The following MINDY2 variants were observed in gnomAD, a reference collection of about 807,000 sequenced individuals.
MINDY2 encodes ubiquitin carboxyl-terminal hydrolase MINDY-2.
Under a neutral mutation model 68.2 loss-of-function variants are expected in MINDY2, and 52 were observed. The ratio of observed to expected loss-of-function variants is 0.76; its 90% CI spans 0.61 to 0.96. MINDY2 has a LOEUF of 0.96. Among genes scored for constraint, MINDY2 ranks in the 40% least tolerant of loss-of-function variants. MINDY2 has a pLI of 0.00. For synonymous variants in MINDY2, 372 were observed against 303.0 expected, an observed-to-expected ratio of 1.23 and a Z score of -2.36; for missense variants, 881 against 773.4, an observed-to-expected ratio of 1.14 and a Z score of -1.65.
At chr15:58,838,182 A>G (rs1160938112) in intron 6 of MINDY2, among the ~76,000 whole-genome samples, 3 of 151,348 alleles carry the variant, frequency 2.0e-5, no homozygotes, top group Non-Finnish European at 4.4e-5. Flanking sequence ...TGGATCACTT[A>G]AGGTCAGGAG....
chr15:58,780,779 G>T (rs1901084082), intron 1 of MINDY2, among the ~76,000 whole-genome samples: 1 of 152,066 alleles, frequency 6.6e-6, no homozygotes, highest in African/African-American at 2.4e-5. Context: ...CTTTCCCATT[G>T]TAGTTTATTA....
At chr15:58,827,392 C>T (rs1434742666) in intron 5 of MINDY2, among the ~76,000 whole-genome samples, 1 of 152,046 alleles carries the variant, frequency 6.6e-6, no homozygotes, top group African/African-American at 2.4e-5. Context: ...TCTTCTGTAA[C>T]AGAACAGTTT....
At position 58,852,287 on chromosome 15, in the gene MINDY2, C is replaced by CAAAAAAAAAAAAAAAAAA. The variant is rs60365490; in HGVS notation, c.1737+323_1737+340dup. 7.8e-4 allele frequency among the ~76,000 whole-genome samples: 48 copies of CAAAAAAAAAAAAAAAAAA among 61,922 alleles called. 8 individuals carry two copies. The highest frequency in any genetic ancestry group is 1.9e-3 in the African/African-American group (32 of 16,592). 40.6% of individuals were successfully genotyped at this position (61,922 alleles called of 152,430 possible). A position where few individuals can be genotyped will look rare whatever the true frequency, so the allele number is the denominator to read the frequency against. The stretch of plus-strand genomic sequence containing the variant: ...AGGATGATAGAGCAAGACTCCTTCT[C>CAAAAAAAAAAAAAAAAAA]AAAAAAAAAAAAAAAAAAGATGATC... On this transcript the variant is annotated intron_variant, in intron 8 of 8. Transcript: ENST00000559228.
At chr15:58,786,817 G>A (rs879306203) in intron 1 of MINDY2, among the ~76,000 whole-genome samples, 22 of 151,880 alleles carry the variant, frequency 1.4e-4, no homozygotes, top group Non-Finnish European at 2.9e-4. Context: ...TATAGCGTCC[G>A]TTTCTTTACT....
chr15:58,778,465 A>G (rs1468393277), intron 1 of MINDY2, among the ~76,000 whole-genome samples: 18 of 151,896 alleles, frequency 1.2e-4, no homozygotes, highest in Admixed American at 1.2e-3. Context: ...CATCAAACCT[A>G]GAAACTGTAA....
At chr15:58,790,737 T>C (rs1901831206) in intron 2 of MINDY2, among the ~76,000 whole-genome samples, 1 of 152,116 alleles carries the variant, frequency 6.6e-6, no homozygotes, top group Non-Finnish European at 1.5e-5. Context: ...CAGTTGGATA[T>C]AGAGTGAAAG....
chr15:58,839,322 T>TTTGTTTGTTTGTTTG (rs1555434704), intron 6 of MINDY2, among the ~76,000 whole-genome samples: 26 of 148,756 alleles, frequency 1.7e-4, no homozygotes, highest in South Asian at 1.7e-3. Flanking sequence ...TAGACTGTTT[T>TTTGTTTGTTTGTTTG]TTTGTTTGTT....
intron 6 of MINDY2, among the ~76,000 whole-genome samples, chr15:58,834,297 A>G (rs773992902): frequency 1.8e-4 from 28 of 152,058 alleles, no homozygotes; most frequent in African/African-American, 5.8e-4. Flanking sequence ...TTTCCCCACA[A>G]TATCTCACTC....
chr15:58,858,236 T>C lies in MINDY2; in HGVS notation c.*3626T>C, dbSNP rs2033119965. 1 of 151,980 alleles carries C rather than the reference T, an allele frequency of 6.6e-6. No homozygotes were observed. Among genetic ancestry groups the C allele is most frequent in the Non-Finnish European group, 1.5e-5 (1 of 67,956 alleles). 9.4% of individuals were successfully genotyped at this position (151,980 alleles called of 1,614,324 possible). ...TGAAGTGTAGATTTAAATTTAGGAT[T>C]AGGCTTTGGAATATATCTTGTTTTT... On this transcript the variant is annotated 3_prime_UTR_variant, in exon 9 of 9. Coordinates refer to ENST00000559228, the MANE Select transcript of MINDY2 (RefSeq NM_001040450.3).
chr15:58,814,092 C>T lies in MINDY2; in HGVS notation c.1122+3704C>T, dbSNP rs151286572. On this transcript the variant is annotated intron_variant, in intron 4 of 8. Transcript: ENST00000559228. The stretch of plus-strand genomic sequence containing the variant: ...AGCTGGGATTACAGGCGCCCACCAC[C>T]ATGCCCAGTGAATTTTTTTGTATTT... Among the ~76,000 whole-genome samples, 505 of 151,914 alleles carry T rather than the reference C, an allele frequency of 3.3e-3. 4 individuals are homozygous for T. The highest frequency in any genetic ancestry group is 0.012 in the African/African-American group (482 of 41,422).
intron 1 of MINDY2, among the ~76,000 whole-genome samples, chr15:58,785,898 C>A (rs1051725952): frequency 6.6e-6 from 1 of 152,074 alleles, no homozygotes; most frequent in Non-Finnish European, 1.5e-5. Flanking sequence ...AGGCTCGTCT[C>A]GTACTCCTGA....
chr15:58,834,736 C>T (rs185816511), intron 6 of MINDY2, among the ~76,000 whole-genome samples: 22 of 152,228 alleles, frequency 1.4e-4, no homozygotes, highest in Non-Finnish European at 2.8e-4. Flanking sequence ...TTATTAAAGT[C>T]GTGAATTACA....
chr15:58,851,949 C>A lies in MINDY2; in HGVS notation c.1721C>A (p.Ala574Asp), dbSNP rs200668184. ...CAAGCAGCAGCTGCTGCTGCTGCTG[C>A]TTCTACACAGGCTCAGGTAAAAACT... ...QEQAAAAAAA[A>D]STQAQQGQPA... The change falls in exon 8 of 9, where the codon GCT (alanine) becomes GAT (aspartate). Residue 574 changes from alanine to aspartate, a missense_variant. By Grantham distance (126) the Ala-to-Asp change is moderately radical. Coordinates refer to ENST00000559228, the MANE Select transcript of MINDY2 (RefSeq NM_001040450.3). 1.8e-4 allele frequency: 285 copies of A among 1,584,174 alleles called. No individual in the cohort carries two copies. The highest frequency in any genetic ancestry group is 2.3e-4 in the Non-Finnish European group (272 of 1,171,892).
At chr15:58,823,521 TA>T (rs1350054947) in intron 5 of MINDY2, among the ~76,000 whole-genome samples, 4 of 151,588 alleles carry the variant, frequency 2.6e-5, no homozygotes, top group Non-Finnish European at 5.9e-5. Flanking sequence ...AAAATAAAAA[TA>T]AAAAATTAGC....
intron 4 of MINDY2, among the ~76,000 whole-genome samples, chr15:58,816,911 C>A (rs912307180): frequency 2.6e-5 from 4 of 152,060 alleles, no homozygotes; most frequent in Admixed American, 6.6e-5. Flanking sequence ...TATGATAGCA[C>A]CTGTGAATAG....
intron 3 of MINDY2, among the ~76,000 whole-genome samples, chr15:58,809,925 G>A (rs650013): frequency 0.013 from 1,960 of 152,090 alleles, 37 homozygotes; most frequent in African/African-American, 0.038. Context: ...GACTACAGGC[G>A]CATGCCACCA....
chr15:58,853,055 C>T (rs2032914176), intron 8 of MINDY2, among the ~76,000 whole-genome samples: 1 of 147,618 alleles, frequency 6.8e-6, no homozygotes, highest in South Asian at 2.2e-4. Flanking sequence ...TGGGTTCAAG[C>T]AATTCTCCTG....
At chr15:58,810,544 T>A (rs73428513) in intron 4 of MINDY2, among the ~76,000 whole-genome samples, 156 bp downstream of exon 4, 4 of 152,160 alleles carry the variant, frequency 2.6e-5, no homozygotes, top group African/African-American at 9.7e-5. Context: ...TCCTCCAGAC[T>A]ACTAAGTCTG....
chr15:58,841,016 C>A (rs1186198685), intron 6 of MINDY2, among the ~76,000 whole-genome samples: 1 of 147,480 alleles, frequency 6.8e-6, no homozygotes, highest in Non-Finnish European at 1.5e-5. Flanking sequence ...CACTTTCATT[C>A]TGTCACCCAG....
Sources: gnomAD v4.1 joint callset for allele counts (sites outside exome capture counted in the v4.1 genomes callset) on GRCh38, gnomAD v4.1.1 for gene constraint, MANE v1.5 for transcripts, NCBI Gene and HGNC (gene_info 2026-07-23, HGNC 2026-07-21) for gene names.